The following PTCH2 variants were observed in gnomAD, a reference collection of about 807,000 sequenced individuals.
The protein encoded by PTCH2 is patched 2, also known as protein patched homolog 2.
In PTCH2, 96 loss-of-function variants were observed where a neutral mutation model predicts 117.9. That is an observed-to-expected ratio of 0.81 (90% CI 0.69 to 0.96). The LOEUF is 0.96. Among genes scored for constraint, PTCH2 ranks in the 50% least tolerant of loss-of-function variants. PTCH2 has a pLI of 0.00. For synonymous variants in PTCH2, 615 were observed against 660.9 expected, an observed-to-expected ratio of 0.93 and a Z score of 1.06; for missense variants, 1,379 against 1,562.5, an observed-to-expected ratio of 0.88 and a Z score of 1.98.
rs930089088 is a variant in PTCH2 at position 44,826,079 on chromosome 1, C to G, written c.3114+171G>C. On this transcript the variant is annotated intron_variant, in intron 19 of 21. Transcript: ENST00000372192. This position sits in a 1 kb window ranked among gnomAD's most constrained non-coding sequence, Gnocchi z 5.1. ...CAGGCTGGTTTCGAACTCCTGACCTCAGGTGATCCACCTGCCTCGGCCTCC... is the reference window on the plus strand; with the variant it reads ...CAGGCTGGTTTCGAACTCCTGACCTGAGGTGATCCACCTGCCTCGGCCTCC... 3.9e-5 allele frequency among the ~76,000 whole-genome samples: 6 copies of G among 152,192 alleles called. No homozygotes were observed. The South Asian group carries it at 1.0e-3, about 26-fold the overall frequency.
chr1:44,825,389 C>T (rs1235249259), intron 19 of PTCH2, among the ~76,000 whole-genome samples: 3 of 151,190 alleles, frequency 2.0e-5, no homozygotes, highest in Non-Finnish European at 3.0e-5. Flanking sequence ...GTGCCCACCT[C>T]GGCTTCCCAA....
Position 44,834,010 on chromosome 1 carries a change from CAT to C in PTCH2, c.266-1671_266-1670del, listed in dbSNP as rs147203074. ...CCCAAATCCTTGGTAGCCCCCAACACATACTTACCCATATGCTCACATGTCCC... is the reference window on the plus strand; with the variant it reads ...CCCAAATCCTTGGTAGCCCCCAACACACTTACCCATATGCTCACATGTCCC... On this transcript the variant is annotated intron_variant, in intron 2 of 21. Coordinates refer to ENST00000372192, the MANE Select transcript of PTCH2 (RefSeq NM_003738.5). Among the ~76,000 whole-genome samples the C allele has an allele frequency of 4.8e-3, 735 of 152,256 alleles. 4 individuals carry two copies. The highest frequency in any genetic ancestry group is 0.017 in the African/African-American group (709 of 41,552).
intron 2 of PTCH2, among the ~76,000 whole-genome samples, chr1:44,835,353 G>A (rs1020872626): frequency 2.6e-5 from 4 of 152,100 alleles, no homozygotes; most frequent in Admixed American, 1.3e-4. Context: ...CACTGTGCTC[G>A]GCCAAACTTT....
At chr1:44,821,300 C>T (rs9645347), downstream of PTCH2, among the ~76,000 whole-genome samples, 64,713 of 152,070 alleles carry the variant, frequency 0.43, 14,793 homozygotes, top group African/African-American at 0.6. Context: ...ACAACTTACG[C>T]TGTGTCCTCA....
In PTCH2 at chr1:44,829,500, G is replaced by A. The variant is rs751671465; in HGVS notation, c.1117C>T (p.Gln373Ter). The A allele has an allele frequency of 5.6e-6, 9 of 1,614,124 alleles. No homozygotes were observed. In the Admixed American group the frequency reaches 1.5e-4, roughly 27 times the overall value. ...AQEALPENAS[Q>*]QIHAFSSTTL... ...GTGGAGGAGAAGGCATGGATCTGCTGGGAAGCGTTCTCAGGCAGGGCCTCC... is the reference window on the plus strand; with the variant it reads ...GTGGAGGAGAAGGCATGGATCTGCTAGGAAGCGTTCTCAGGCAGGGCCTCC... Residue 373 changes from glutamine (Q) to a stop codon, truncating the protein, a stop_gained, in exon 9 of 22, where the codon CAG (glutamine) becomes TAG (stop). Coordinates refer to ENST00000372192, the MANE Select transcript of PTCH2 (RefSeq NM_003738.5). LOFTEE classifies it high-confidence loss of function.
At position 44,829,447 on chromosome 1, in the gene PTCH2, G is replaced by A. The variant is rs770642506; in HGVS notation, c.1170C>T (p.Phe390=). Residue 390 remains phenylalanine (F), a synonymous_variant, in exon 9 of 22, where the codon TTC becomes TTT. Coordinates refer to ENST00000372192, the MANE Select transcript of PTCH2 (RefSeq NM_003738.5). ...STTLDDILHA[F]SEVSAARVVG... ...CCACACGGGCAGCACTGACTTCAGA[G>A]AACGCATGCAGGATGTCATCCAGGG... is the stretch of plus-strand genomic sequence containing the variant. The A allele has an allele frequency of 1.5e-5, 24 of 1,614,236 alleles. No homozygotes were observed. Among genetic ancestry groups the A allele is most frequent in the Non-Finnish European group, 1.9e-5 (23 of 1,180,040 alleles).
At position 44,827,836 on chromosome 1, in the gene PTCH2, G is replaced by C; in HGVS notation, c.2058+7C>G. The stretch of plus-strand genomic sequence containing the variant: ...CTAAGTCTCTGCCCTGCTCTGCCCA[G>C]TCTTACCTTAGCATGTGACTGGAGC... On this transcript the variant is annotated splice_region_variant and intron_variant, in intron 14 of 21. Coordinates refer to ENST00000372192, the MANE Select transcript of PTCH2 (RefSeq NM_003738.5). The C allele has an allele frequency of 6.2e-7, 1 of 1,614,040 alleles. No individual in the cohort carries two copies. Among genetic ancestry groups the C allele is most frequent in the Non-Finnish European group, 8.5e-7 (1 of 1,179,986 alleles).
chr1:44,830,296 A>G (rs185467046), intron 6 of PTCH2, among the ~76,000 whole-genome samples: 1 of 152,296 alleles, frequency 6.6e-6, no homozygotes, highest in East Asian at 1.9e-4. Context: ...CCACATTTGC[A>G]GGGCCACAAA....
chr1:44,829,664 C>A lies in PTCH2; in HGVS notation c.1033G>T (p.Glu345Ter), dbSNP rs2148878002. The change falls in exon 8 of 22, where the codon GAG (glutamate) becomes TAG (stop). Residue 345 changes from glutamate to a stop codon, truncating the protein, a stop_gained. Transcript: ENST00000372192. LOFTEE classifies it high-confidence loss of function. ...TGTAGCACTGTGCTGGCCTGCTCCT[C>A]ACTCCAGCCAATGTCATGTGTCTGA... ...DYQTHDIGWS[E>*]EQASTVLQAW... The A allele has an allele frequency of 6.2e-7, 1 of 1,614,228 alleles. No homozygotes were observed. Among genetic ancestry groups the A allele is most frequent in the Non-Finnish European group, 8.5e-7 (1 of 1,180,034 alleles).
At chr1:44,833,137 T>C (rs1653533150) in intron 2 of PTCH2, among the ~76,000 whole-genome samples, 1 of 152,040 alleles carries the variant, frequency 6.6e-6, no homozygotes, top group East Asian at 1.9e-4. Context: ...CATAGTGTCC[T>C]GGATCTTAGC....
At position 44,826,653 on chromosome 1, in the gene PTCH2, G is replaced by C. The variant is rs375965470; in HGVS notation, c.2811C>G (p.Ala937=). ...IEGARAACAE[A]GQAGVHAYPS... ...GGTAGGCGTGCACCCCAGCCTGGCC[G>C]GCCTCTGCGCATGCTGCCCGGGCCC... The change falls in exon 18 of 22, where the codon GCC becomes GCG. Residue 937 remains alanine (A), a synonymous_variant. Coordinates refer to ENST00000372192, the MANE Select transcript of PTCH2 (RefSeq NM_003738.5). This position sits in a 1 kb window ranked among gnomAD's most constrained non-coding sequence, Gnocchi z 5.1. The C allele has an allele frequency of 1.2e-6, 2 of 1,612,036 alleles. No individual in the cohort carries two copies. The highest frequency in any genetic ancestry group is 1.1e-5 in the South Asian group (1 of 90,966).
At chr1:44,835,164 G>A (rs11573567) in intron 2 of PTCH2, among the ~76,000 whole-genome samples, 16 of 152,198 alleles carry the variant, frequency 1.1e-4, no homozygotes, top group African/African-American at 2.4e-4. Context: ...TTGACCTCCC[G>A]GCTCAAGCAA....
downstream of PTCH2, chr1:44,819,847 G>GA (rs1557638950): frequency 2.0e-5 from 3 of 152,986 alleles, no homozygotes; most frequent in African/African-American, 7.2e-5. Context: ...CAAGTTCCTT[G>GA]GTTGTAGTTG....
In PTCH2 at chr1:44,842,971, G is replaced by T; in HGVS notation, c.-39C>A. 1 of 1,515,346 alleles carries T rather than the reference G, an allele frequency of 6.6e-7. No individual in the cohort carries two copies. The highest frequency in any genetic ancestry group is 8.8e-7 in the Non-Finnish European group (1 of 1,133,660). The allele number at this position is 1,515,346 out of a possible 1,614,324, so 93.9% of individuals were successfully genotyped here. A position where few individuals can be genotyped will look rare whatever the true frequency, so the allele number is the denominator to read the frequency against. ...GGGGGCGCGGGCGCCCCCAACCCGC[G>T]TTATCTGGGCGCTCCCATAGGCTAG... On this transcript the variant is annotated 5_prime_UTR_variant, in exon 1 of 22. Coordinates refer to ENST00000372192, the MANE Select transcript of PTCH2 (RefSeq NM_003738.5).
Position 44,831,924 on chromosome 1 carries a change from C to T in PTCH2, c.525+51G>A, listed in dbSNP as rs1302788586. On this transcript the variant is annotated intron_variant, in intron 4 of 21. Coordinates refer to ENST00000372192, the MANE Select transcript of PTCH2 (RefSeq NM_003738.5). The surrounding 1 kb of genome is among the most constrained non-coding windows in gnomAD (Gnocchi z 4.3). ...GTGGGGCTTGCTCGGTCTCTGAGTCCTCCCACGCTACAGAAAAAGTTCTGC... is the reference window on the plus strand; with the variant it reads ...GTGGGGCTTGCTCGGTCTCTGAGTCTTCCCACGCTACAGAAAAAGTTCTGC... The T allele has an allele frequency of 2.5e-6, 4 of 1,578,914 alleles. No individual in the cohort carries two copies. The highest frequency in any genetic ancestry group is 2.7e-5 in the African/African-American group (2 of 74,086).
rs2148875127 is a variant in PTCH2 at position 44,827,328 on chromosome 1, G to C, written c.2372-19C>G. ...TGGATTCCTGGGGGAGACCAGGATA[G>C]GGTTCTATTAGCTGGTGGCCCCAGG... On this transcript the variant is annotated intron_variant, in intron 15 of 21. Transcript: ENST00000372192. 3 of 1,613,698 alleles carry C rather than the reference G, an allele frequency of 1.9e-6. No homozygotes were observed. The highest frequency in any genetic ancestry group is 1.3e-5 in the African/African-American group (1 of 75,050).
intron 2 of PTCH2, among the ~76,000 whole-genome samples, chr1:44,832,543 G>A (rs866916753): frequency 1.8e-4 from 28 of 152,372 alleles, no homozygotes; most frequent in Admixed American, 3.3e-4. Flanking sequence ...CCAGGGAAGT[G>A]GAGAAGCCTC....
In PTCH2 at chr1:44,830,910, G is replaced by A. The variant is rs778104382; in HGVS notation, c.751C>T (p.Pro251Ser). ...TGGAGGTCATCAGGGTGCAGACAGG[G>A]CCGCCCCACGTAGGCCTGGCCCACC... ...AQVGQAYVGR[P>S]CLHPDDLHCP... is the part of the protein sequence containing the mutation. The change falls in exon 6 of 22, where the codon CCC becomes TCC. Residue 251 changes from proline (P) to serine (S), a missense_variant. By Grantham distance (74) the Pro-to-Ser change is moderately conservative. Coordinates refer to ENST00000372192, the MANE Select transcript of PTCH2 (RefSeq NM_003738.5). The A allele has an allele frequency of 1.9e-6, 3 of 1,585,100 alleles. No individual in the cohort carries two copies. The highest frequency in any genetic ancestry group is 2.3e-5 in the East Asian group (1 of 44,088).
At chr1:44,830,777 G>T in intron 6 of PTCH2, 71 bp downstream of exon 6, 1 of 1,455,330 alleles carries the variant, frequency 6.9e-7, no homozygotes, top group South Asian at 1.4e-5. Flanking sequence ...AGCTCCCCCA[G>T]AACACAGGAG....
Sources: gnomAD v4.1 joint callset for allele counts (sites outside exome capture counted in the v4.1 genomes callset) on GRCh38, gnomAD v4.1.1 for gene constraint, Gnocchi (gnomAD v3.1) non-coding constraint, MANE v1.5 for transcripts, NCBI Gene and HGNC (gene_info 2026-07-23, HGNC 2026-07-21) for gene names.